NDRG2: variants seen among roughly 807,000 people sequenced by gnomAD.
NDRG2 encodes protein NDRG2.
A neutral mutation model predicts 58.2 loss-of-function variants in NDRG2; 34 were observed. The ratio of observed to expected loss-of-function variants is 0.58; its 90% CI spans 0.44 to 0.78. The LOEUF (loss-of-function observed/expected upper bound fraction) is 0.78. NDRG2 is among the 30% of genes least tolerant of loss of function. The pLI is 0.00. For missense variants in NDRG2, 434 were observed against 471.2 expected, an observed-to-expected ratio of 0.92 and a Z score of 0.73; for synonymous variants, 187 against 175.9, an observed-to-expected ratio of 1.06 and a Z score of -0.50.
At position 21,018,378 on chromosome 14, in the gene NDRG2, G is replaced by GC. The variant is rs1878080093; in HGVS notation, c.861+78dup. 49 of 1,606,976 alleles carry GC rather than the reference G, an allele frequency of 3.0e-5. No individual in the cohort carries two copies. The South Asian group carries it at 5.1e-4, about 17-fold the overall frequency. ...CTTCGTTCACCCCATTTGCTCCCAT[G>GC]CCGGGCCCTGGAGGCTTAGCAGCTG... On this transcript the variant is annotated intron_variant, in intron 13 of 15. Coordinates refer to ENST00000556147, the MANE Select transcript of NDRG2 (RefSeq NM_001320329.2).
At chr14:21,037,125 C>CA (rs1555331924) in intron 1 of NDRG2, among the ~76,000 whole-genome samples, 4 of 152,146 alleles carry the variant, frequency 2.6e-5, no homozygotes, top group Non-Finnish European at 5.9e-5. Context: ...TCGCTCCCCC[C>CA]ACCCAACACC....
chr14:21,033,638 G>A (rs1248595116), intron 1 of NDRG2: 8 of 614,800 alleles, frequency 1.3e-5, no homozygotes, highest in Non-Finnish European at 2.0e-5. Flanking sequence ...AAAGAACCTA[G>A]AAGATAGCAC....
intron 15 of NDRG2, 28 bp downstream of exon 15, chr14:21,017,959 T>G: frequency 6.2e-7 from 1 of 1,614,128 alleles, no homozygotes; most frequent in Non-Finnish European, 8.5e-7. Flanking sequence ...TCTCCTCTAG[T>G]GCAGCAAGCT....
upstream of NDRG2, chr14:21,025,126 C>T (rs1002486302): frequency 2.8e-5 from 27 of 981,506 alleles, no homozygotes; most frequent in Admixed American, 6.2e-5. This position sits in a 1 kb window ranked among gnomAD's most constrained non-coding sequence, Gnocchi z 5.1. Flanking sequence ...CGCCCCAGCC[C>T]GCCCACGGGC....
chr14:21,051,760 G>A (rs1297294876), intron 1 of NDRG2, among the ~76,000 whole-genome samples: 1 of 152,182 alleles, frequency 6.6e-6, no homozygotes, highest in Non-Finnish European at 1.5e-5. Flanking sequence ...CATAAACCAG[G>A]GCCCAGACCA....
intron 6 of NDRG2, chr14:21,021,428 C>G: frequency 6.4e-6 from 2 of 313,448 alleles, no homozygotes; most frequent in Non-Finnish European, 1.2e-5. Flanking sequence ...TCTCTCTCAC[C>G]CGCAGAGCTC....
chr14:21,070,256 A>G lies in NDRG2; in HGVS notation c.24+572T>C. On this transcript the variant is annotated intron_variant, in intron 1 of 14. Coordinates refer to the NDRG2 transcript ENST00000403829. This position sits in a 1 kb window ranked among gnomAD's most constrained non-coding sequence, Gnocchi z 4.7. ...CCCTGGCGGGGCCCCGCGGCCTGGA[A>G]GCCGGAGCGGGCCGAGCCGCCACCG... The G allele has an allele frequency of 1.1e-6, 1 of 925,004 alleles. No homozygotes were observed. The highest frequency in any genetic ancestry group is 4.2e-4 in the Middle Eastern group (1 of 2,400). The allele number at this position is 925,004 out of a possible 1,614,324, so 57.3% of individuals were successfully genotyped here. A position where few individuals can be genotyped will look rare whatever the true frequency, so the allele number is the denominator to read the frequency against.
chr14:21,036,926 G>A (rs947704706), intron 1 of NDRG2, among the ~76,000 whole-genome samples: 1 of 152,212 alleles, frequency 6.6e-6, no homozygotes, highest in Non-Finnish European at 1.5e-5. Context: ...GCCAATGCAG[G>A]GTGTCGCCTG....
intron 1 of NDRG2, among the ~76,000 whole-genome samples, chr14:21,050,842 C>G (rs1466722420): frequency 6.6e-6 from 1 of 152,118 alleles, no homozygotes; most frequent in African/African-American, 2.4e-5. Flanking sequence ...ATGTCTGTAA[C>G]TTGTTCTGAA....
In NDRG2 at chr14:21,033,577, G is replaced by A. The variant is rs1243506150; in HGVS notation, c.25-10256C>T. 5.3e-6 allele frequency: 3 copies of A among 566,562 alleles called. No homozygotes were observed. In the East Asian group the frequency reaches 8.9e-5, roughly 17 times the overall value. The allele number at this position is 566,562 out of a possible 1,614,324, so 35.1% of individuals were successfully genotyped here. ...CTTGGGTGGGTTTTACTGTCTCTGG[G>A]AGAGGAAGGATGATGAGGAGGTGGG... is the stretch of plus-strand genomic sequence containing the variant. On this transcript the variant is annotated intron_variant, in intron 1 of 14. Coordinates refer to the NDRG2 transcript ENST00000403829.
intron 1 of NDRG2, among the ~76,000 whole-genome samples, chr14:21,068,644 C>T (rs1187163490): frequency 1.3e-5 from 2 of 152,150 alleles, no homozygotes; most frequent in African/African-American, 4.8e-5. Context: ...ACTCTCCTAG[C>T]TCGCGGGCCC....
intron 1 of NDRG2, chr14:21,043,295 C>A: frequency 6.2e-7 from 1 of 1,614,212 alleles, no homozygotes; most frequent in Non-Finnish European, 8.5e-7. Flanking sequence ...ACCAGAGCCA[C>A]GGGGCCGTGT....
intron 1 of NDRG2, among the ~76,000 whole-genome samples, chr14:21,067,405 G>T (rs1340357950): frequency 6.6e-6 from 1 of 152,098 alleles, no homozygotes. Flanking sequence ...GTGATGTGGT[G>T]TTTAAAACTC....
rs2139028805 is a variant in NDRG2 at position 21,024,908 on chromosome 14, G to C, written c.-885C>G. 1 of 985,604 alleles carries C rather than the reference G, an allele frequency of 1.0e-6. No homozygotes were observed. Among genetic ancestry groups the C allele is most frequent in the South Asian group, 4.7e-5 (1 of 21,300 alleles). 61.1% of individuals were successfully genotyped at this position (985,604 alleles called of 1,614,324 possible). On this transcript the variant is annotated 5_prime_UTR_variant, in exon 1 of 16. Transcript: ENST00000556147. ...CTTTGTGCGCAGCAACCGAGCGCCC[G>C]CTCCGTGCTGGCCCTTTCCCCCGAG...
intron 1 of NDRG2, among the ~76,000 whole-genome samples, chr14:21,062,699 G>T (rs531695135): frequency 2.1e-5 from 3 of 145,586 alleles, no homozygotes; most frequent in Admixed American, 1.4e-4. Flanking sequence ...AACAAAACAG[G>T]CTGGGCACAG....
Position 21,025,040 on chromosome 14 carries a change from G to A in NDRG2, c.-1017C>T, listed in dbSNP as rs1883148340. ...GCCCCTCCCCCTACCTGCTGCCGCC[G>A]CGGCCGCTTCCACCTTCACTTGCCT... is the stretch of plus-strand genomic sequence containing the variant. On this transcript the variant is annotated 5_prime_UTR_variant, in exon 1 of 16. Transcript: ENST00000556147. The surrounding 1 kb of genome is among the most constrained non-coding windows in gnomAD (Gnocchi z 5.1). 1.3e-5 allele frequency: 13 copies of A among 985,306 alleles called. No homozygotes were observed. In the South Asian group the frequency reaches 5.6e-4, roughly 43 times the overall value. 61.0% of individuals were successfully genotyped at this position (985,306 alleles called of 1,614,324 possible).
In NDRG2 at chr14:21,024,985, G is replaced by A. The variant is rs1247893035; in HGVS notation, c.-962C>T. On this transcript the variant is annotated 5_prime_UTR_variant, in exon 1 of 16. Coordinates refer to ENST00000556147, the MANE Select transcript of NDRG2 (RefSeq NM_001320329.2). ...ATCACACCGCCCGCCGGCCCGGCTG[G>A]CGCCTTCCAGGCCCTACGGCCCCTC... The A allele has an allele frequency of 1.0e-5, 10 of 985,500 alleles. No individual in the cohort carries two copies. Among genetic ancestry groups the A allele is most frequent in the African/African-American group, 1.7e-5 (1 of 57,214 alleles). 61.0% of individuals were successfully genotyped at this position (985,500 alleles called of 1,614,324 possible). A position where few individuals can be genotyped will look rare whatever the true frequency, so the allele number is the denominator to read the frequency against.
At chr14:21,019,575 C>A in intron 10 of NDRG2, 64 bp downstream of exon 10, 1 of 1,084,498 alleles carries the variant, frequency 9.2e-7, no homozygotes, top group South Asian at 1.4e-5. Flanking sequence ...TCTGTGCCTC[C>A]CCCATGACGC....
upstream of NDRG2, chr14:21,025,702 C>A: frequency 1.0e-6 from 1 of 984,566 alleles, no homozygotes; most frequent in Non-Finnish European, 1.2e-6. The surrounding 1 kb of genome is among the most constrained non-coding windows in gnomAD (Gnocchi z 5.1). Flanking sequence ...TGCGTCCCGA[C>A]GCCTGCTCTC....
Sources: allele counts gnomAD v4.1 joint callset (sites outside exome capture counted in the v4.1 genomes callset), GRCh38; gene constraint gnomAD v4.1.1; non-coding constraint Gnocchi (gnomAD v3.1); transcripts MANE v1.5; gene names NCBI Gene and HGNC (gene_info 2026-07-23, HGNC 2026-07-21).